The following MAGI2 variants were observed in gnomAD, a reference collection of about 807,000 sequenced individuals.
MAGI2 encodes membrane associated guanylate kinase, WW and PDZ domain containing 2, also known as membrane-associated guanylate kinase, WW and PDZ domain-containing protein 2.
A neutral mutation model predicts 133.3 loss-of-function variants in MAGI2; 35 were observed. The observed-to-expected ratio is 0.26, with a 90% CI of 0.20 to 0.35. MAGI2 has a LOEUF of 0.35. Among genes scored for constraint, MAGI2 ranks in the 10% least tolerant of loss-of-function variants. The pLI is 1.00. For missense variants in MAGI2, 1,636 were observed against 1,863.4 expected (o/e 0.88, Z 2.25); for synonymous variants, 729 against 710.6 (o/e 1.03, Z -0.41).
intron 9 of MAGI2, among the ~76,000 whole-genome samples, chr7:78,295,920 T>G (rs373981224): frequency 1.3e-5 from 2 of 152,150 alleles, no homozygotes; most frequent in East Asian, 1.9e-4. Context: ...CCGTCTTTGA[T>G]TTCTCCCTCT....
At chr7:78,698,773 TCAAA>T (rs1263131540) in intron 2 of MAGI2, among the ~76,000 whole-genome samples, 3 of 151,862 alleles carry the variant, frequency 2.0e-5, no homozygotes, top group Non-Finnish European at 2.9e-5. Context: ...GAGAGAAGTG[TCAAA>T]CAAAGCGGAG....
chr7:78,632,292 C>T (rs1809095590), intron 2 of MAGI2, among the ~76,000 whole-genome samples: 1 of 152,106 alleles, frequency 6.6e-6, no homozygotes, highest in Non-Finnish European at 1.5e-5. Flanking sequence ...TATTAATTGA[C>T]CATAAATCAG....
intron 3 of MAGI2, among the ~76,000 whole-genome samples, chr7:78,588,142 C>T (rs943011617): frequency 1.3e-5 from 2 of 152,174 alleles, no homozygotes; most frequent in African/African-American, 4.8e-5. Context: ...TCACAGGCCT[C>T]CCAGAATAGG....
intron 7 of MAGI2, among the ~76,000 whole-genome samples, chr7:78,358,052 A>T (rs1219379372): frequency 1.3e-5 from 2 of 149,804 alleles, no homozygotes; most frequent in East Asian, 3.9e-4. Context: ...GCTTTGACAG[A>T]AGTTAAAAAT....
intron 1 of MAGI2, chr7:79,139,742 T>A (rs1203852866): frequency 6.6e-6 from 1 of 152,204 alleles, no homozygotes; most frequent in East Asian, 1.9e-4. Flanking sequence ...AGTCACATTA[T>A]TACCTGGATT....
intron 3 of MAGI2, among the ~76,000 whole-genome samples, chr7:78,577,543 A>C (rs1802390399): frequency 6.6e-6 from 1 of 151,934 alleles, no homozygotes; most frequent in Non-Finnish European, 1.5e-5. Flanking sequence ...TGTTTATTTC[A>C]CCTGGGTGCA....
At chr7:79,202,030 C>A (rs1828656841) in intron 1 of MAGI2, among the ~76,000 whole-genome samples, 1 of 151,888 alleles carries the variant, frequency 6.6e-6, no homozygotes, top group African/African-American at 2.4e-5. Context: ...GATATGATAA[C>A]ACTACTGGTA....
At chr7:78,605,785 G>A (rs905659564) in intron 3 of MAGI2, among the ~76,000 whole-genome samples, 7 of 152,174 alleles carry the variant, frequency 4.6e-5, no homozygotes, top group Non-Finnish European at 8.8e-5. Flanking sequence ...TTGCAAGGAA[G>A]GAGTTAGTGG....
At chr7:79,302,902 A>G (rs767909915) in intron 1 of MAGI2, among the ~76,000 whole-genome samples, 4 of 152,250 alleles carry the variant, frequency 2.6e-5, no homozygotes, top group Admixed American at 6.5e-5. Flanking sequence ...TCTTTGCTAT[A>G]GCACACACTT....
At chr7:78,076,270 C>T (rs148007805) in intron 21 of MAGI2, among the ~76,000 whole-genome samples, 4 of 151,414 alleles carry the variant, frequency 2.6e-5, no homozygotes, top group Non-Finnish European at 2.9e-5. Flanking sequence ...CCATCCTGGG[C>T]GACATGGTGA....
chr7:79,060,039 T>C (rs1813556845), intron 1 of MAGI2, among the ~76,000 whole-genome samples: 1 of 152,082 alleles, frequency 6.6e-6, no homozygotes, highest in African/African-American at 2.4e-5. Context: ...CAGCAGAAGA[T>C]GGTAGTATCA....
At chr7:79,372,403 A>G (rs560108221) in intron 1 of MAGI2, among the ~76,000 whole-genome samples, 1 of 152,288 alleles carries the variant, frequency 6.6e-6, no homozygotes, top group East Asian at 1.9e-4. Context: ...AATCCTCTAG[A>G]AAGTTGTAAA....
intron 2 of MAGI2, among the ~76,000 whole-genome samples, chr7:78,929,193 C>A (rs1157102467): frequency 6.6e-6 from 1 of 151,968 alleles, no homozygotes; most frequent in East Asian, 1.9e-4. Flanking sequence ...TTAGATGCAA[C>A]TAAAAGTAGT....
intron 10 of MAGI2, among the ~76,000 whole-genome samples, chr7:78,202,682 CAAAAAA>C (rs59358280): frequency 1.4e-5 from 1 of 70,534 alleles, no homozygotes; most frequent in African/African-American, 6.1e-5. Context: ...GACTCTGTCT[CAAAAAA>C]AAAAAAAAAA....
At chr7:79,437,201 A>C (rs896261389) in intron 1 of MAGI2, among the ~76,000 whole-genome samples, 6 of 152,090 alleles carry the variant, frequency 3.9e-5, no homozygotes, top group Admixed American at 3.3e-4. Context: ...CAGAGGTGGG[A>C]GTGGGAGAGG....
intron 16 of MAGI2, among the ~76,000 whole-genome samples, chr7:78,148,208 TTGAAAA>T (rs1823513019): frequency 6.6e-6 from 1 of 152,152 alleles, no homozygotes; most frequent in Admixed American, 6.6e-5. Context: ...TATTCAGCAA[TTGAAAA>T]TGAAACAAAT....
Position 78,125,809 on chromosome 7 carries a change from T to G in MAGI2, c.3452A>C (p.Glu1151Ala), listed in dbSNP as rs1478173917. ...QDFDYFTVDM[E>A]KGAKGFGFSI... ...GAATCCAAATCCTTTGGCTCCTTTC[T>G]CCATGTCCACAGTGAAATAATCAAA... The change falls in exon 20 of 22, where the codon GAG becomes GCG. Residue 1151 changes from glutamate to alanine, a missense_variant. Physicochemically the swap from Glu to Ala is moderately radical, Grantham distance 107 (BLOSUM62 -1). Around this residue, in one of 5 missense-constraint regions of MAGI2, gnomAD observed 920 missense variants for 1,093.5 expected, o/e 0.84. Coordinates refer to ENST00000354212, the MANE Select transcript of MAGI2 (RefSeq NM_012301.4). 1 of 1,614,186 alleles carries G rather than the reference T, an allele frequency of 6.2e-7. No homozygotes were observed. The highest frequency in any genetic ancestry group is 8.5e-7 in the Non-Finnish European group (1 of 1,180,010).
intron 3 of MAGI2, among the ~76,000 whole-genome samples, chr7:78,579,179 G>A (rs926576571): frequency 2.6e-5 from 4 of 152,186 alleles, no homozygotes; most frequent in African/African-American, 7.2e-5. Context: ...ATTAAAACAA[G>A]TAGAGACTTT....
intron 9 of MAGI2, among the ~76,000 whole-genome samples, chr7:78,288,116 C>G (rs1796332130): frequency 6.6e-6 from 1 of 152,106 alleles, no homozygotes; most frequent in South Asian, 2.1e-4. Context: ...CGCATGAGAT[C>G]ACTTAATAAG....
Sources: allele counts gnomAD v4.1 joint callset (sites outside exome capture counted in the v4.1 genomes callset), GRCh38; gene constraint gnomAD v4.1.1; regional missense constraint gnomAD v4.1.1; transcripts MANE v1.5; gene names NCBI Gene and HGNC (gene_info 2026-07-23, HGNC 2026-07-21).